Variants in TRIM55 observed in about 807,000 individuals in gnomAD.
TRIM55 encodes the protein tripartite motif containing 55.
Under a neutral mutation model 60.9 loss-of-function variants are expected in TRIM55, and 50 were observed. The observed-to-expected ratio is 0.82, with a 90% CI of 0.65 to 1.04. The LOEUF (loss-of-function observed/expected upper bound fraction) is 1.04. Among genes scored for constraint, TRIM55 ranks in the 50% least tolerant of loss-of-function variants. TRIM55 has a pLI of 0.00. For missense variants in TRIM55, 681 were observed against 666.9 expected, an observed-to-expected ratio of 1.02 and a Z score of -0.23; for synonymous variants, 237 against 238.1, an observed-to-expected ratio of 1.00 and a Z score of 0.04.
intron 9 of TRIM55, among the ~76,000 whole-genome samples, chr8:66,158,141 C>CCACACACACACACACA (rs35285600): frequency 1.7e-5 from 2 of 114,792 alleles, no homozygotes; most frequent in Admixed American, 9.0e-5. Flanking sequence ...GATCTCCCCA[C>CCACACACACACACACA]CACACACACA....
chr8:66,114,601 C>A, the TRIM55 span: 1 of 456,194 alleles, frequency 2.2e-6, no homozygotes, highest in Non-Finnish European at 4.4e-6. Flanking sequence ...TTCGGGGAGA[C>A]CCACAGGGAA....
intron 9 of TRIM55, among the ~76,000 whole-genome samples, chr8:66,163,178 G>A (rs568651023): frequency 7.9e-5 from 12 of 152,118 alleles, no homozygotes; most frequent in Admixed American, 7.8e-4. Flanking sequence ...GTAGTCTCCA[G>A]CTTCAATCTA....
intron 9 of TRIM55, among the ~76,000 whole-genome samples, chr8:66,157,165 C>T (rs1299785395): frequency 6.6e-6 from 1 of 152,132 alleles, no homozygotes; most frequent in African/African-American, 2.4e-5. Context: ...ATCCACTGAG[C>T]CCATGTCATG....
the TRIM55 span, among the ~76,000 whole-genome samples, chr8:66,117,102 CT>C: frequency 6.6e-6 from 1 of 152,234 alleles, no homozygotes; most frequent in Non-Finnish European, 1.5e-5. Flanking sequence ...TCCATTCCTG[CT>C]TTTTAAAACT....
Position 66,150,239 on chromosome 8 carries a change from A to G in TRIM55, c.860A>G (p.Lys287Arg), listed in dbSNP as rs753729648. Residue 287 changes from lysine (K) to arginine (R), a missense_variant and splice_region_variant, in exon 6 of 10, where the codon AAA becomes AGA. Transcript: ENST00000315962. Reference protein sequence around the residue: ...FLQNAKTLLKKISEASKAFQM... With the variant: ...FLQNAKTLLKRISEASKAFQM... ...CAGAATGCCAAAACCCTGCTAAAAA[A>G]GTAAGAACTTTTTATTTTATGTAAA... The G allele has an allele frequency of 6.2e-7, 1 of 1,613,082 alleles. No individual in the cohort carries two copies. Among genetic ancestry groups the G allele is most frequent in the African/African-American group, 1.3e-5 (1 of 74,906 alleles).
At chr8:66,155,595 G>A (rs372005632) in intron 9 of TRIM55, 31 of 1,479,760 alleles carry the variant, frequency 2.1e-5, no homozygotes, top group Admixed American at 5.7e-5. Flanking sequence ...GATAATATCA[G>A]TGAAGCTTTC....
At chr8:66,123,855 C>G (rs1487778469), upstream of TRIM55, among the ~76,000 whole-genome samples, 1 of 152,160 alleles carries the variant, frequency 6.6e-6, no homozygotes, top group East Asian at 1.9e-4. Context: ...GACCCTCTGT[C>G]TCTTAAAAGA....
At chr8:66,165,142 C>T (rs1811257840) in intron 9 of TRIM55, among the ~76,000 whole-genome samples, 5 of 152,154 alleles carry the variant, frequency 3.3e-5, no homozygotes, top group Admixed American at 2.0e-4. Context: ...AGGTTCAGCG[C>T]CCTTGAAAAT....
intron 9 of TRIM55, among the ~76,000 whole-genome samples, chr8:66,160,501 T>C (rs1810988138): frequency 6.6e-6 from 1 of 152,180 alleles, no homozygotes; most frequent in African/African-American, 2.4e-5. Flanking sequence ...CAAGTATCTT[T>C]TTTGTATAAT....
At chr8:66,134,323 A>G (rs1809349385) in intron 2 of TRIM55, among the ~76,000 whole-genome samples, 1 of 152,196 alleles carries the variant, frequency 6.6e-6, no homozygotes, top group African/African-American at 2.4e-5. Flanking sequence ...CCTGGGGTTT[A>G]TATAAGGAGG....
intron 4 of TRIM55, among the ~76,000 whole-genome samples, chr8:66,138,540 C>T (rs1809617539): frequency 6.6e-6 from 1 of 152,166 alleles, no homozygotes; most frequent in Non-Finnish European, 1.5e-5. Context: ...CAGGCTCCCG[C>T]CACCATGCCC....
intron 4 of TRIM55, among the ~76,000 whole-genome samples, chr8:66,140,281 GT>G (rs1489339656): frequency 1.3e-5 from 2 of 152,224 alleles, no homozygotes; most frequent in Non-Finnish European, 2.9e-5. Context: ...AACACCAAAA[GT>G]TTAAGGGCAG....
At chr8:66,114,206 G>A in the TRIM55 span, among the ~76,000 whole-genome samples, 5 of 151,772 alleles carry the variant, frequency 3.3e-5, no homozygotes, top group Admixed American at 2.0e-4. Context: ...TAGCTCAAAT[G>A]GTAGAGCGCT....
the TRIM55 span, among the ~76,000 whole-genome samples, chr8:66,119,674 G>C: frequency 3.9e-5 from 6 of 152,218 alleles, no homozygotes. Flanking sequence ...TCTAGCCAGA[G>C]AGTACAAAAT....
Position 66,164,105 on chromosome 8 carries a change from T to C in TRIM55, c.1524+9771T>C, listed in dbSNP as rs889756754. The stretch of plus-strand genomic sequence containing the variant: ...AGGGTCCTCATTCACATACAACATC[T>C]TCCAAGGTAACTTTAAAAAGACAGG... On this transcript the variant is annotated intron_variant, in intron 9 of 9. Transcript: ENST00000315962. 1.3e-5 allele frequency among the ~76,000 whole-genome samples: 2 copies of C among 152,278 alleles called. 1 individual carries two copies. The highest frequency in any genetic ancestry group is 1.3e-4 in the Admixed American group (2 of 15,296).
chr8:66,165,740 G>T (rs1811292970), intron 9 of TRIM55, among the ~76,000 whole-genome samples: 1 of 152,118 alleles, frequency 6.6e-6, no homozygotes, highest in Middle Eastern at 3.2e-3. Context: ...CTCAGGACTG[G>T]CCTATATTTA....
At chr8:66,131,618 C>A (rs1809164052) in intron 2 of TRIM55, among the ~76,000 whole-genome samples, 1 of 152,150 alleles carries the variant, frequency 6.6e-6, no homozygotes, top group Non-Finnish European at 1.5e-5. Flanking sequence ...TTCTATGGAG[C>A]ACATCCTCAA....
intron 4 of TRIM55, among the ~76,000 whole-genome samples, chr8:66,144,952 A>G (rs1204654825): frequency 6.6e-6 from 1 of 152,250 alleles, no homozygotes; most frequent in Non-Finnish European, 1.5e-5. Context: ...AAAGTGTTGC[A>G]GATTCACATT....
the TRIM55 span, chr8:66,114,729 T>G: frequency 4.6e-6 from 2 of 430,306 alleles, no homozygotes; most frequent in Non-Finnish European, 9.3e-6. Flanking sequence ...ACTGCCTGGC[T>G]CTGGGCAGAT....
Sources: gnomAD v4.1 joint callset for allele counts (sites outside exome capture counted in the v4.1 genomes callset) on GRCh38, gnomAD v4.1.1 for gene constraint, MANE v1.5 for transcripts, NCBI Gene and HGNC (gene_info 2026-07-23, HGNC 2026-07-21) for gene names.